TPM1: variants seen among roughly 807,000 people sequenced by gnomAD.
TPM1 encodes tropomyosin alpha-1 chain.
Under a neutral mutation model 42.9 loss-of-function variants are expected in TPM1, and 24 were observed. That is an observed-to-expected ratio of 0.56 (90% CI 0.41 to 0.79). The LOEUF is 0.79. Among genes scored for constraint, TPM1 ranks in the 30% least tolerant of loss-of-function variants. The probability of loss-of-function intolerance (pLI) is 0.00; values close to 1 mark genes in which losing one functional copy is unlikely to be tolerated. For missense variants in TPM1, 158 were observed against 351.8 expected, an observed-to-expected ratio of 0.45 and a Z score of 4.41; for synonymous variants, 136 against 130.1, an observed-to-expected ratio of 1.05 and a Z score of -0.31.
At chr15:63,058,504 C>T (rs991007391) in intron 3 of TPM1, among the ~76,000 whole-genome samples, 8 of 152,034 alleles carry the variant, frequency 5.3e-5, no homozygotes, top group African/African-American at 1.4e-4. Flanking sequence ...GCCAGGGATT[C>T]GAGACCAGCC....
intron 9 of TPM1, chr15:63,064,768 A>G (rs1451996678): frequency 1.8e-5 from 13 of 704,480 alleles, no homozygotes; most frequent in South Asian, 6.4e-5. Flanking sequence ...GATTGAGACC[A>G]TCCTGGCTAA....
At chr15:63,060,406 A>G (rs1022146913) in intron 4 of TPM1, among the ~76,000 whole-genome samples, 2 of 152,260 alleles carry the variant, frequency 1.3e-5, no homozygotes, top group Admixed American at 1.3e-4. Context: ...TATCTCACCA[A>G]CTTGTCTCAC....
At chr15:63,043,639 C>G in intron 1 of TPM1, 3 of 1,534,518 alleles carry the variant, frequency 2.0e-6, no homozygotes, top group Non-Finnish European at 2.6e-6. Context: ...ACCCGACGCC[C>G]GTGTGTTGTG....
intron 9 of TPM1, 25 bp downstream of exon 9, chr15:63,064,167 C>T (rs373572071): frequency 1.7e-5 from 27 of 1,610,196 alleles, no homozygotes; most frequent in Non-Finnish European, 2.3e-5. Flanking sequence ...ACTCTGCCTG[C>T]TTACACCCTG....
At chr15:63,053,934 C>T (rs1038065731) in intron 2 of TPM1, among the ~76,000 whole-genome samples, 7 of 152,034 alleles carry the variant, frequency 4.6e-5, no homozygotes, top group Non-Finnish European at 7.4e-5. Flanking sequence ...CCGCCTCGGC[C>T]TCCCAAAGTG....
intron 2 of TPM1, chr15:63,047,788 C>T: frequency 6.0e-6 from 1 of 167,494 alleles, no homozygotes; most frequent in Non-Finnish European, 1.3e-5. Context: ...CTTTACAGTC[C>T]TTCATAATTC....
At chr15:63,059,784 T>C (rs2035348513) in intron 4 of TPM1, 104 bp downstream of exon 4, 1 of 807,638 alleles carries the variant, frequency 1.2e-6, no homozygotes, top group African/African-American at 1.7e-5. Flanking sequence ...ATCTGCTTTG[T>C]TGGCAGAAAT....
rs965850024 is a variant in TPM1 at position 63,060,966 on chromosome 15, A to T, written c.563+27A>T. On this transcript the variant is annotated intron_variant, in intron 5 of 9. Transcript: ENST00000403994. ...TAAGCGGGCCCGGCGCCAGGAGGCC[A>T]CGAATGGGGTGCTGCAGAGCAGTGA... The T allele has an allele frequency of 4.3e-6, 7 of 1,613,334 alleles. No homozygotes were observed. The African/African-American group carries it at 9.3e-5, about 22-fold the overall frequency.
At position 63,044,173 on chromosome 15, in the gene TPM1, C is replaced by T. The variant is rs201979210; in HGVS notation, c.240+21C>T. On this transcript the variant is annotated intron_variant, in intron 2 of 9. Coordinates refer to ENST00000403994, the MANE Select transcript of TPM1 (RefSeq NM_001018005.2). ...CCGATGTAAGTGCACGCTCACACTG[C>T]TTCCCTCACCTCTTGCCTGCGTGGC... The T allele has an allele frequency of 4.7e-4, 759 of 1,614,188 alleles. No homozygotes were observed. Among genetic ancestry groups the T allele is most frequent in the Non-Finnish European group, 6.0e-4 (704 of 1,180,048 alleles).
chr15:63,062,697 C>A (rs1170252588), intron 8 of TPM1, 52 bp downstream of exon 8: 1 of 1,613,786 alleles, frequency 6.2e-7, no homozygotes, highest in South Asian at 1.1e-5. Flanking sequence ...GAATACCAAC[C>A]TGGCAAAACA....
intron 1 of TPM1, chr15:63,043,191 A>C (rs896281148): frequency 1.1e-5 from 6 of 551,262 alleles, no homozygotes; most frequent in African/African-American, 9.5e-5. Flanking sequence ...ATCAAGTCCT[A>C]GAGGCGCTTT....
intron 2 of TPM1, chr15:63,055,736 A>G (rs956008446): frequency 6.6e-6 from 1 of 152,230 alleles, no homozygotes; most frequent in African/African-American, 2.4e-5. Context: ...GTGAACATAC[A>G]TTCAAAGTGG....
downstream of TPM1, chr15:63,069,979 C>T (rs375617240): frequency 4.3e-6 from 7 of 1,613,306 alleles, no homozygotes; most frequent in Admixed American, 1.7e-5. Context: ...GAATTCTAGG[C>T]GTGGAGCCCA....
At chr15:63,069,007 G>A (rs917379715), downstream of TPM1, among the ~76,000 whole-genome samples, 1 of 151,774 alleles carries the variant, frequency 6.6e-6, no homozygotes, top group African/African-American at 2.4e-5. Context: ...AAAAAAATTA[G>A]CCAGGCGTGG....
chr15:63,069,310 A>T (rs2036467247), downstream of TPM1, among the ~76,000 whole-genome samples: 1 of 152,210 alleles, frequency 6.6e-6, no homozygotes, highest in African/African-American at 2.4e-5. Context: ...CAGAGACTTA[A>T]TTCCAAATTT....
At chr15:63,056,703 A>G in intron 2 of TPM1, 1 of 421,108 alleles carries the variant, frequency 2.4e-6, no homozygotes, top group Non-Finnish European at 4.4e-6. Context: ...AATCTACGGA[A>G]GAAAGGAACC....
chr15:63,043,073 G>A (rs2031509984), intron 1 of TPM1, 130 bp downstream of exon 1: 1 of 781,668 alleles, frequency 1.3e-6, no homozygotes, highest in Non-Finnish European at 2.1e-6. Context: ...AGGGCGGCCA[G>A]GGCGCGCGTC....
At chr15:63,069,774 G>T (rs1595696563), downstream of TPM1, 6 of 1,493,968 alleles carry the variant, frequency 4.0e-6, no homozygotes, top group East Asian at 1.1e-4. Context: ...CCTGCTTGAG[G>T]TCTCTTTGTG....
chr15:63,044,560 G>C, intron 2 of TPM1: 1 of 429,840 alleles, frequency 2.3e-6, no homozygotes, highest in South Asian at 2.9e-5. Context: ...GGAAGTTCTG[G>C]GTTTGGTGGT....
Sources: gnomAD v4.1 joint callset for allele counts (sites outside exome capture counted in the v4.1 genomes callset) on GRCh38, gnomAD v4.1.1 for gene constraint, MANE v1.5 for transcripts, NCBI Gene and HGNC (gene_info 2026-07-23, HGNC 2026-07-21) for gene names.